Variants in OSBPL3 observed in about 807,000 individuals in gnomAD.
OSBPL3 encodes oxysterol binding protein like 3, also known as oxysterol-binding protein-related protein 3.
Under a neutral mutation model 120.1 loss-of-function variants are expected in OSBPL3, and 65 were observed. The observed-to-expected ratio is 0.54, with a 90% confidence interval of 0.44 to 0.67. The LOEUF (loss-of-function observed/expected upper bound fraction) is 0.67. OSBPL3 is among the 30% of genes least tolerant of loss of function. The pLI is 0.00. For synonymous variants in OSBPL3, 416 were observed against 402.6 expected, an observed-to-expected ratio of 1.03 and a Z score of -0.40; for missense variants, 1,004 against 1,082.1, an observed-to-expected ratio of 0.93 and a Z score of 1.01.
At position 24,834,636 on chromosome 7, in the gene OSBPL3, C is replaced by A; in HGVS notation, c.1596G>T (p.Leu532=). The change falls in exon 15 of 23, where the codon CTG becomes CTT. Residue 532 remains leucine (L), a synonymous_variant. Coordinates refer to ENST00000313367, the MANE Select transcript of OSBPL3 (RefSeq NM_015550.4). The surrounding 1 kb of genome is among the most constrained non-coding windows in gnomAD (Gnocchi z 5.2). ...ACAGGTCCTTCCCGATGTTGTTCCTCAGGATGTTCCACAGGCTGATGTTAC... is the reference window on the plus strand; with the variant it reads ...ACAGGTCCTTCCCGATGTTGTTCCTAAGGATGTTCCACAGGCTGATGTTAC... ...SSSNISLWNI[L]RNNIGKDLSK... 6.2e-7 allele frequency: 1 copy of A among 1,614,204 alleles called. No homozygotes were observed. The highest frequency in any genetic ancestry group is 8.5e-7 in the Non-Finnish European group (1 of 1,180,026).
Position 24,966,406 on chromosome 7 carries a change from A to G in OSBPL3, c.-150+13480T>C, listed in dbSNP as rs1816386056. On this transcript the variant is annotated intron_variant, in intron 1 of 22. Transcript: ENST00000313367. This position sits in a 1 kb window ranked among gnomAD's most constrained non-coding sequence, Gnocchi z 4.8. ...AAAATAAGACCTCTGGATGCCACAAACAAGTGGGGCTTCCAGGCCCTTAAT... is the reference window on the plus strand; with the variant it reads ...AAAATAAGACCTCTGGATGCCACAAGCAAGTGGGGCTTCCAGGCCCTTAAT... 6.6e-6 allele frequency among the ~76,000 whole-genome samples: 1 copy of G among 152,198 alleles called. No homozygotes were observed. Among genetic ancestry groups the G allele is most frequent in the Non-Finnish European group, 1.5e-5 (1 of 68,034 alleles).
rs1584417164 is a variant in OSBPL3, at chr7:24,862,421, T to C, written c.871-652A>G. Reference sequence around the variant, plus strand: ...ATAATCATCCATGTATCCAGGCGGTTAGTAATGGATAGGTTTAAAATGCTT... The same window carrying C: ...ATAATCATCCATGTATCCAGGCGGTCAGTAATGGATAGGTTTAAAATGCTT... On this transcript the variant is annotated intron_variant, in intron 9 of 22. Coordinates refer to ENST00000313367, the MANE Select transcript of OSBPL3 (RefSeq NM_015550.4). The surrounding 1 kb of genome is among the most constrained non-coding windows in gnomAD (Gnocchi z 4.4). Among the ~76,000 whole-genome samples the C allele has an allele frequency of 1.3e-5, 2 of 152,220 alleles. No homozygotes were observed. Among genetic ancestry groups the C allele is most frequent in the East Asian group, 3.8e-4 (2 of 5,200 alleles).
At chr7:24,838,509 G>A (rs757104892) in intron 14 of OSBPL3, among the ~76,000 whole-genome samples, 1 of 152,110 alleles carries the variant, frequency 6.6e-6, no homozygotes, top group Non-Finnish European at 1.5e-5. Context: ...ACACAAAAAA[G>A]GGCAATGTTA....
chr7:24,869,859 T>C (rs1180188403), intron 5 of OSBPL3, among the ~76,000 whole-genome samples: 1 of 152,204 alleles, frequency 6.6e-6, no homozygotes, highest in Non-Finnish European at 1.5e-5. Context: ...CATGATCTCA[T>C]GCTTTGATTT....
intron 1 of OSBPL3, chr7:24,917,907 C>A (rs1328899545): frequency 5.8e-6 from 1 of 171,012 alleles, no homozygotes; most frequent in Non-Finnish European, 1.2e-5. Context: ...TGGTTGAACT[C>A]ATTCCAAATC....
chr7:24,980,905 A>T (rs1818268956), upstream of OSBPL3, among the ~76,000 whole-genome samples: 1 of 152,270 alleles, frequency 6.6e-6, no homozygotes, highest in South Asian at 2.1e-4. Flanking sequence ...TTGACTTCCC[A>T]CTAGCCCAAT....
intron 11 of OSBPL3, among the ~76,000 whole-genome samples, chr7:24,850,326 G>A (rs898441879): frequency 5.3e-5 from 8 of 152,176 alleles, no homozygotes; most frequent in African/African-American, 1.7e-4. Flanking sequence ...TTCTCCAATG[G>A]TCTGTCTGTG....
intron 22 of OSBPL3, among the ~76,000 whole-genome samples, chr7:24,801,058 TG>T (rs1445435706): frequency 2.7e-5 from 4 of 150,836 alleles, no homozygotes; most frequent in Admixed American, 2.0e-4. Flanking sequence ...TTGGCCAACA[TG>T]GCAAAACTCC....
chr7:24,965,286 AAG>A lies in OSBPL3; in HGVS notation c.-150+14598_-150+14599del, dbSNP rs1816242224. 6.6e-6 allele frequency among the ~76,000 whole-genome samples: 1 copy of A among 152,248 alleles called. No homozygotes were observed. The highest frequency in any genetic ancestry group is 2.1e-4 in the South Asian group (1 of 4,832). ...ATCTACAGTAAGAAAATCTAGATAT[AAG>A]TATGAGCTCAACTATTTTTGCCCCT... On this transcript the variant is annotated intron_variant, in intron 1 of 22. Transcript: ENST00000313367. The surrounding 1 kb of genome is among the most constrained non-coding windows in gnomAD (Gnocchi z 4.3).
intron 2 of OSBPL3, among the ~76,000 whole-genome samples, chr7:24,874,287 T>C (rs956459398): frequency 2.0e-5 from 3 of 152,170 alleles, no homozygotes; most frequent in East Asian, 3.9e-4. Context: ...AGACTTAAAA[T>C]CCTCTGGAAA....
At chr7:24,876,345 C>T (rs1802834775) in intron 2 of OSBPL3, among the ~76,000 whole-genome samples, 1 of 152,148 alleles carries the variant, frequency 6.6e-6, no homozygotes, top group African/African-American at 2.4e-5. Context: ...CAAACCACAT[C>T]AGTCACATAT....
chr7:24,961,006 T>TA (rs1422664490), intron 1 of OSBPL3, among the ~76,000 whole-genome samples: 2 of 152,156 alleles, frequency 1.3e-5, no homozygotes, highest in African/African-American at 4.8e-5. Flanking sequence ...TATGAATAAT[T>TA]AAACTTCGAA....
chr7:24,897,320 CTTTTTTTTTTT>C (rs35715609), intron 1 of OSBPL3, among the ~76,000 whole-genome samples: 4 of 102,254 alleles, frequency 3.9e-5, no homozygotes, highest in African/African-American at 1.3e-4. Flanking sequence ...ATGGCAGAAT[CTTTTTTTTTTT>C]TTTTTTTTTT....
In OSBPL3 at chr7:24,930,821, T is replaced by C. The variant is rs369981648; in HGVS notation, c.-149-38200A>G. On this transcript the variant is annotated intron_variant, in intron 1 of 22. Coordinates refer to ENST00000313367, the MANE Select transcript of OSBPL3 (RefSeq NM_015550.4). The surrounding 1 kb of genome is among the most constrained non-coding windows in gnomAD (Gnocchi z 4.4). ...GTGAAGGATTTCTGATTAAATGAAT[T>C]CATCAATGAGATTTTGTCACTGAAA... 1.1e-4 allele frequency among the ~76,000 whole-genome samples: 16 copies of C among 152,340 alleles called. 3 individuals are homozygous for C. Among genetic ancestry groups the C allele is most frequent in the Admixed American group, 4.6e-4 (7 of 15,308 alleles).
rs895138988 is a variant in OSBPL3 at position 24,916,895 on chromosome 7, C to T, written c.-149-24274G>A. Among the ~76,000 whole-genome samples the T allele has an allele frequency of 6.7e-6, 1 of 148,844 alleles. No homozygotes were observed. The highest frequency in any genetic ancestry group is 2.5e-5 in the African/African-American group (1 of 39,770). On this transcript the variant is annotated intron_variant, in intron 1 of 22. Coordinates refer to ENST00000313367, the MANE Select transcript of OSBPL3 (RefSeq NM_015550.4). The surrounding 1 kb of genome is among the most constrained non-coding windows in gnomAD (Gnocchi z 4.9). ...ACACACAAACCAGGTTTACTGGCAG[C>T]CACTAAGACGTCTTCCATTTCCACC...
intron 1 of OSBPL3, among the ~76,000 whole-genome samples, chr7:24,929,278 C>G (rs966314782): frequency 5.3e-5 from 8 of 152,178 alleles, no homozygotes; most frequent in African/African-American, 1.9e-4. Context: ...GGAACACAGG[C>G]AATGTGGTAT....
chr7:24,892,935 T>C (rs1389528974), intron 1 of OSBPL3, among the ~76,000 whole-genome samples: 3 of 152,204 alleles, frequency 2.0e-5, no homozygotes, highest in African/African-American at 7.2e-5. Flanking sequence ...TCCACTGTGA[T>C]AGCTATAATA....
At chr7:24,807,818 T>C (rs1793255352) in intron 20 of OSBPL3, among the ~76,000 whole-genome samples, 1 of 152,162 alleles carries the variant, frequency 6.6e-6, no homozygotes, top group Non-Finnish European at 1.5e-5. Flanking sequence ...ATAAATCCAA[T>C]GTAGACTACT....
Position 24,815,230 on chromosome 7 carries a change from C to A in OSBPL3, c.2028-27G>T. 2 of 1,600,020 alleles carry A rather than the reference C, an allele frequency of 1.2e-6. No homozygotes were observed. Among genetic ancestry groups the A allele is most frequent in the Non-Finnish European group, 1.7e-6 (2 of 1,170,858 alleles). On this transcript the variant is annotated intron_variant, in intron 18 of 22. Coordinates refer to ENST00000313367, the MANE Select transcript of OSBPL3 (RefSeq NM_015550.4). This position sits in a 1 kb window ranked among gnomAD's most constrained non-coding sequence, Gnocchi z 5.1. The stretch of plus-strand genomic sequence containing the variant: ...TAAAAAGAAGGAAAAAGTAGAAGTA[C>A]CAATTTCTAGAAGAGCCAGCAGCAA...
Sources: gnomAD v4.1 joint callset for allele counts (sites outside exome capture counted in the v4.1 genomes callset) on GRCh38, gnomAD v4.1.1 for gene constraint, Gnocchi (gnomAD v3.1) non-coding constraint, MANE v1.5 for transcripts, NCBI Gene and HGNC (gene_info 2026-07-23, HGNC 2026-07-21) for gene names.